CAMTA1: variants seen among roughly 807,000 people sequenced by gnomAD.
CAMTA1 encodes the protein calmodulin-binding transcription activator 1.
In CAMTA1, 27 loss-of-function variants were observed where a neutral mutation model predicts 170.9. The ratio of observed to expected loss-of-function variants is 0.16; its 90% CI spans 0.12 to 0.22. The LOEUF (loss-of-function observed/expected upper bound fraction) is 0.22. CAMTA1 is among the 10% of genes least tolerant of loss of function. The probability of loss-of-function intolerance (pLI) is 1.00; values close to 1 mark genes in which losing one functional copy is unlikely to be tolerated. For synonymous variants in CAMTA1, 833 were observed against 891.5 expected (o/e 0.93, Z 1.17); for missense variants, 1,619 against 2,217.2 (o/e 0.73, Z 5.42).
chr1:7,153,091 C>T (rs988585042), intron 4 of CAMTA1, among the ~76,000 whole-genome samples: 2 of 152,104 alleles, frequency 1.3e-5, no homozygotes, highest in Non-Finnish European at 2.9e-5. Context: ...TATTGAATTG[C>T]GGTGGTTTGT....
chr1:7,652,843 C>T (rs954865961), intron 7 of CAMTA1, among the ~76,000 whole-genome samples: 7 of 152,120 alleles, frequency 4.6e-5, no homozygotes, highest in African/African-American at 1.2e-4. Context: ...CCAGGCAGGT[C>T]GCCCAGTGGA....
intron 4 of CAMTA1, among the ~76,000 whole-genome samples, chr1:7,215,070 A>G (rs954642003): frequency 3.9e-5 from 6 of 152,078 alleles, no homozygotes; most frequent in Middle Eastern, 3.2e-3. Context: ...AACTGTAGCT[A>G]TATAATAAGC....
chr1:7,283,026 C>G (rs1465514823), intron 5 of CAMTA1, among the ~76,000 whole-genome samples: 1 of 152,108 alleles, frequency 6.6e-6, no homozygotes, highest in Non-Finnish European at 1.5e-5. Context: ...CAACCTAACT[C>G]TTCAATGATA....
chr1:7,492,292 G>A (rs957124692), intron 6 of CAMTA1, among the ~76,000 whole-genome samples: 2 of 152,172 alleles, frequency 1.3e-5, no homozygotes, highest in Non-Finnish European at 2.9e-5. Flanking sequence ...CACTACGGGG[G>A]CCCAGGACCT....
At chr1:7,751,472 G>C in intron 20 of CAMTA1, 80 bp downstream of exon 20, 2 of 1,293,172 alleles carry the variant, frequency 1.5e-6, no homozygotes, top group Non-Finnish European at 1.1e-6. Context: ...GTCCTGGGCT[G>C]ACATTGGAGT....
chr1:7,688,036 T>A (rs1388836187), intron 11 of CAMTA1, among the ~76,000 whole-genome samples: 20 of 145,766 alleles, frequency 1.4e-4, no homozygotes, highest in African/African-American at 4.4e-4. Flanking sequence ...TTTGGCAGAG[T>A]CTTGCTCTGT....
chr1:7,741,549 G>A (rs181339512), intron 16 of CAMTA1, among the ~76,000 whole-genome samples: 7 of 151,118 alleles, frequency 4.6e-5, no homozygotes, highest in Non-Finnish European at 5.9e-5. Context: ...GCGACAGAGC[G>A]AGACTCTCTC....
At chr1:7,522,626 A>C (rs1276819814) in intron 6 of CAMTA1, among the ~76,000 whole-genome samples, 1 of 152,120 alleles carries the variant, frequency 6.6e-6, no homozygotes, top group East Asian at 1.9e-4. Flanking sequence ...TTAAGTCCGT[A>C]ATTCATTCTT....
At position 7,149,545 on chromosome 1, in the gene CAMTA1, G is replaced by A. The variant is rs555453996; in HGVS notation, c.302+58174G>A. Among the ~76,000 whole-genome samples the A allele has an allele frequency of 8.5e-5, 13 of 152,348 alleles. No individual in the cohort carries two copies. In the South Asian group the frequency reaches 2.7e-3, roughly 32 times the overall value. On this transcript the variant is annotated intron_variant, in intron 4 of 22. Coordinates refer to ENST00000303635, the MANE Select transcript of CAMTA1 (RefSeq NM_015215.4). The stretch of plus-strand genomic sequence containing the variant: ...GGTCAGGTGCTTCACCTTTGGGCCT[G>A]GGATAATCATGCCACCTCCTGGGGC...
chr1:7,386,866 C>T (rs1448920744), intron 5 of CAMTA1, among the ~76,000 whole-genome samples: 4 of 152,202 alleles, frequency 2.6e-5, no homozygotes, highest in Non-Finnish European at 5.9e-5. Flanking sequence ...GTCCCTGTTG[C>T]CAAGTCAAGG....
In CAMTA1 at chr1:7,615,503, G is replaced by T. The variant is rs151306019; in HGVS notation, c.511-24897G>T. 4.2e-3 allele frequency among the ~76,000 whole-genome samples: 637 copies of T among 152,322 alleles called. 7 individuals are homozygous for T. The highest frequency in any genetic ancestry group is 0.015 in the African/African-American group (621 of 41,564). On this transcript the variant is annotated intron_variant, in intron 6 of 22. Transcript: ENST00000303635. ...TAAAATGGGACTAAAAGCATTCCCG[G>T]AGCTGTTAAGAGGGTCAAATGAAAT...
intron 15 of CAMTA1, 32 bp downstream of exon 15, chr1:7,737,602 T>C: frequency 6.4e-7 from 1 of 1,558,084 alleles, no homozygotes; most frequent in Non-Finnish European, 8.7e-7. Flanking sequence ...ATCTCAGAGC[T>C]TGACAGAGAT....
chr1:7,048,810 C>T (rs1705828480), intron 3 of CAMTA1, among the ~76,000 whole-genome samples: 1 of 152,156 alleles, frequency 6.6e-6, no homozygotes, highest in Non-Finnish European at 1.5e-5. Flanking sequence ...CTGTGTGTTC[C>T]TCAGAAGGAA....
chr1:6,865,407 T>C (rs1288400526), intron 3 of CAMTA1, among the ~76,000 whole-genome samples: 1 of 152,162 alleles, frequency 6.6e-6, no homozygotes, highest in Non-Finnish European at 1.5e-5. Context: ...AGTGAGCCTG[T>C]TGAGGGAGAG....
rs142810237 is a variant in CAMTA1 at position 7,192,143 on chromosome 1, A to G, written c.303-57348A>G. ...GCATTTGTCTGTCTTCTTGGCTACAATGCTCCTGGTTCTGGCTCTTCTGGT... is the reference window on the plus strand; with the variant it reads ...GCATTTGTCTGTCTTCTTGGCTACAGTGCTCCTGGTTCTGGCTCTTCTGGT... On this transcript the variant is annotated intron_variant, in intron 4 of 22. Coordinates refer to ENST00000303635, the MANE Select transcript of CAMTA1 (RefSeq NM_015215.4). 2.2e-3 allele frequency among the ~76,000 whole-genome samples: 341 copies of G among 152,324 alleles called. 2 individuals are homozygous for G. The highest frequency in any genetic ancestry group is 7.1e-3 in the African/African-American group (297 of 41,566).
At chr1:7,457,362 G>A (rs1203642325) in intron 5 of CAMTA1, among the ~76,000 whole-genome samples, 2 of 151,974 alleles carry the variant, frequency 1.3e-5, no homozygotes, top group Admixed American at 6.6e-5. Flanking sequence ...GCCGGCGGCC[G>A]CTTTATTTAG....
At chr1:7,027,202 A>G (rs1438311903) in intron 3 of CAMTA1, among the ~76,000 whole-genome samples, 3 of 152,180 alleles carry the variant, frequency 2.0e-5, no homozygotes, top group Admixed American at 2.0e-4. Flanking sequence ...GAGATAAAGT[A>G]GAAAAAAAAG....
chr1:7,053,172 C>G (rs1367744906), intron 3 of CAMTA1, among the ~76,000 whole-genome samples: 1 of 152,218 alleles, frequency 6.6e-6, no homozygotes, highest in African/African-American at 2.4e-5. Context: ...TGGCCAGTTC[C>G]AAGTGTTTGC....
chr1:7,759,406 T>C (rs1473550943), intron 22 of CAMTA1, among the ~76,000 whole-genome samples: 2 of 152,186 alleles, frequency 1.3e-5, no homozygotes, highest in Non-Finnish European at 2.9e-5. Context: ...TTTCACTGAG[T>C]ACAGCTCACT....
Sources: allele counts gnomAD v4.1 joint callset (sites outside exome capture counted in the v4.1 genomes callset), GRCh38; gene constraint gnomAD v4.1.1; transcripts MANE v1.5; gene names NCBI Gene and HGNC (gene_info 2026-07-23, HGNC 2026-07-21).